Variants in LINGO2 observed in about 807,000 individuals in gnomAD.
LINGO2 encodes leucine-rich repeat and immunoglobulin-like domain-containing nogo receptor-interacting protein 2.
Under a neutral mutation model 30.6 loss-of-function variants are expected in LINGO2, and 14 were observed. That is an observed-to-expected ratio of 0.46 (90% CI 0.30 to 0.72). The LOEUF (loss-of-function observed/expected upper bound fraction) is 0.72. LINGO2 is among the 30% of genes least tolerant of loss of function. The pLI is 0.07. For synonymous variants in LINGO2, 317 were observed against 288.5 expected, an observed-to-expected ratio of 1.10 and a Z score of -1.00; for missense variants, 729 against 751.7, an observed-to-expected ratio of 0.97 and a Z score of 0.35.
At chr9:28,259,973 A>G (rs1397161945) in intron 4 of LINGO2, among the ~76,000 whole-genome samples, 3 of 151,744 alleles carry the variant, frequency 2.0e-5, no homozygotes, top group Admixed American at 6.6e-5. Context: ...TTATTCCACA[A>G]TTTTGTTTTC....
the LINGO2 span, among the ~76,000 whole-genome samples, chr9:29,027,569 C>T: frequency 6.6e-6 from 1 of 152,068 alleles, no homozygotes; most frequent in Non-Finnish European, 1.5e-5. Context: ...AACTACTGAC[C>T]CCAAGTGATC....
At chr9:28,740,584 T>C in the LINGO2 span, among the ~76,000 whole-genome samples, 1 of 151,940 alleles carries the variant, frequency 6.6e-6, no homozygotes, top group African/African-American at 2.4e-5. Flanking sequence ...CAAAATCTTT[T>C]TTAATTTCTG....
At chr9:27,988,928 C>T (rs183151870) in intron 5 of LINGO2, among the ~76,000 whole-genome samples, 1 of 151,998 alleles carries the variant, frequency 6.6e-6, no homozygotes, top group African/African-American at 2.4e-5. Flanking sequence ...TGAAACTATT[C>T]TTATCACTTC....
At chr9:28,814,638 A>G in the LINGO2 span, among the ~76,000 whole-genome samples, 1 of 152,186 alleles carries the variant, frequency 6.6e-6, no homozygotes, top group African/African-American at 2.4e-5. Context: ...CTGTAATCCC[A>G]GCACTTTGGG....
chr9:28,917,448 T>G, the LINGO2 span, among the ~76,000 whole-genome samples: 311 of 151,934 alleles, frequency 2.0e-3, 3 homozygotes, highest in Admixed American at 0.017. Flanking sequence ...TAGGTTTTTT[T>G]GGGTTTTTTT....
At chr9:28,850,014 C>T in the LINGO2 span, among the ~76,000 whole-genome samples, 1 of 151,976 alleles carries the variant, frequency 6.6e-6, no homozygotes, top group Non-Finnish European at 1.5e-5. Flanking sequence ...TTAGTAACTG[C>T]TTACTGAGTG....
chr9:28,198,034 A>C (rs1268810826), intron 4 of LINGO2, among the ~76,000 whole-genome samples: 1 of 152,010 alleles, frequency 6.6e-6, no homozygotes, highest in Non-Finnish European at 1.5e-5. Context: ...AAATTGGTTA[A>C]AACTCTATTG....
chr9:29,007,228 G>A, the LINGO2 span, among the ~76,000 whole-genome samples: 1 of 151,936 alleles, frequency 6.6e-6, no homozygotes, highest in Non-Finnish European at 1.5e-5. Context: ...CCCAGGTCAT[G>A]TCATATATAG....
chr9:28,431,530 T>A (rs551661039), intron 2 of LINGO2, among the ~76,000 whole-genome samples: 19 of 152,320 alleles, frequency 1.2e-4, no homozygotes, highest in African/African-American at 4.3e-4. Context: ...ATTGAAATTA[T>A]GTAGAATTTC....
chr9:28,457,210 G>A (rs1224037047), intron 2 of LINGO2, among the ~76,000 whole-genome samples: 1 of 152,170 alleles, frequency 6.6e-6, no homozygotes, highest in Non-Finnish European at 1.5e-5. Flanking sequence ...CTCTGTGTAT[G>A]ACAGTCTTCT....
chr9:28,836,648 T>C, the LINGO2 span, among the ~76,000 whole-genome samples: 1 of 152,050 alleles, frequency 6.6e-6, no homozygotes, highest in Admixed American at 6.6e-5. Flanking sequence ...AAAATTTTTA[T>C]TCAATATTTG....
chr9:28,326,299 C>A (rs940232577), intron 3 of LINGO2, among the ~76,000 whole-genome samples: 1 of 152,182 alleles, frequency 6.6e-6, no homozygotes, highest in African/African-American at 2.4e-5. Flanking sequence ...ACCACCACAC[C>A]CGGCCACAAA....
chr9:28,473,615 A>T (rs952504754), intron 2 of LINGO2, among the ~76,000 whole-genome samples: 1 of 152,086 alleles, frequency 6.6e-6, no homozygotes. Context: ...CTGTAGATGT[A>T]GAGGCACTGA....
intron 4 of LINGO2, among the ~76,000 whole-genome samples, chr9:28,126,132 A>G (rs1052207571): frequency 2.5e-4 from 38 of 152,162 alleles, no homozygotes; most frequent in Non-Finnish European, 3.7e-4. Flanking sequence ...TTAATTCCTC[A>G]ACATAATTTT....
At chr9:28,094,066 T>C (rs897562259) in intron 4 of LINGO2, among the ~76,000 whole-genome samples, 3 of 152,066 alleles carry the variant, frequency 2.0e-5, no homozygotes, top group Non-Finnish European at 4.4e-5. Flanking sequence ...AATGAGCTCT[T>C]TGAAAAGGCC....
In LINGO2 at chr9:27,955,283, T is replaced by G. The variant is rs75315688; in HGVS notation, c.-35-4577A>C. On this transcript the variant is annotated intron_variant, in intron 5 of 5. Coordinates refer to ENST00000379992, the Ensembl canonical transcript of LINGO2. Reference sequence around the variant, plus strand: ...CTCCACCTCATAGAAGGTGGACTTTTAGGTAGTAAAGATTGTGATCATTAT... The same window carrying G: ...CTCCACCTCATAGAAGGTGGACTTTGAGGTAGTAAAGATTGTGATCATTAT... Among the ~76,000 whole-genome samples the G allele has an allele frequency of 7.4e-4, 112 of 152,322 alleles. 1 individual carries two copies. The East Asian group carries it at 0.021, about 28-fold the overall frequency.
chr9:28,810,341 T>C, the LINGO2 span, among the ~76,000 whole-genome samples: 6 of 152,188 alleles, frequency 3.9e-5, no homozygotes, highest in Non-Finnish European at 8.8e-5. Context: ...ATTAAACTAT[T>C]ATCTGAGTTG....
intron 2 of LINGO2, among the ~76,000 whole-genome samples, chr9:28,415,302 C>G (rs1822922427): frequency 6.6e-6 from 1 of 152,184 alleles, no homozygotes; most frequent in Non-Finnish European, 1.5e-5. Flanking sequence ...AGCTCCCTCT[C>G]CAGCCTGTCT....
chr9:29,077,765 GA>G, the LINGO2 span, among the ~76,000 whole-genome samples: 11 of 151,898 alleles, frequency 7.2e-5, no homozygotes, highest in African/African-American at 2.7e-4. Context: ...GACATGCCAT[GA>G]AATGAAACAA....
Sources: gnomAD v4.1 joint callset for allele counts (sites outside exome capture counted in the v4.1 genomes callset) on GRCh38, gnomAD v4.1.1 for gene constraint, MANE v1.5 for transcripts, NCBI Gene and HGNC (gene_info 2026-07-23, HGNC 2026-07-21) for gene names.